The following PROKR1 variants were observed in gnomAD, a reference collection of about 807,000 sequenced individuals.
PROKR1 encodes the protein G protein-coupled receptor 73.
In PROKR1, 21 loss-of-function variants were observed where a neutral mutation model predicts 22.8. The observed-to-expected ratio is 0.92, with a 90% confidence interval of 0.65 to 1.32. The LOEUF (loss-of-function observed/expected upper bound fraction) is 1.32. PROKR1 is among the 40% of genes most tolerant of loss of function. The probability of loss-of-function intolerance (pLI) is 0.00; values close to 1 mark genes in which losing one functional copy is unlikely to be tolerated. For missense variants in PROKR1, 548 were observed against 514.2 expected, an observed-to-expected ratio of 1.07 and a Z score of -0.64; for synonymous variants, 193 against 207.5, an observed-to-expected ratio of 0.93 and a Z score of 0.60.
rs1673480725 is a variant in PROKR1, at chr2:68,656,731, T to A, written c.*1155T>A. The stretch of plus-strand genomic sequence containing the variant: ...TTTGAGGGCAAGATATCCTTATTAC[T>A]GGCACCTGAATCCCATCCTAGTCTT... On this transcript the variant is annotated 3_prime_UTR_variant, in exon 3 of 3. Transcript: ENST00000303786. 6.6e-6 allele frequency: 1 copy of A among 152,250 alleles called. No homozygotes were observed. The highest frequency in any genetic ancestry group is 2.4e-5 in the African/African-American group (1 of 41,478). 9.4% of individuals were successfully genotyped at this position (152,250 alleles called of 1,614,324 possible).
chr2:68,653,725 T>G (rs995537464), intron 2 of PROKR1, among the ~76,000 whole-genome samples: 8 of 152,132 alleles, frequency 5.3e-5, no homozygotes, highest in African/African-American at 1.9e-4. Context: ...GCTGTGTGCG[T>G]TCTCTCTCGG....
At chr2:68,651,634 G>A (rs1035613091) in intron 2 of PROKR1, among the ~76,000 whole-genome samples, 2 of 152,168 alleles carry the variant, frequency 1.3e-5, no homozygotes, top group Non-Finnish European at 2.9e-5. Flanking sequence ...ATTAGTCAGG[G>A]CCACTGGCCT....
chr2:68,656,640 C>G lies in PROKR1; in HGVS notation c.*1064C>G, dbSNP rs142162830. 2.6e-5 allele frequency: 4 copies of G among 152,256 alleles called. No homozygotes were observed. Among genetic ancestry groups the G allele is most frequent in the Admixed American group, 6.5e-5 (1 of 15,302 alleles). 9.4% of individuals were successfully genotyped at this position (152,256 alleles called of 1,614,324 possible). A position where few individuals can be genotyped will look rare whatever the true frequency, so the allele number is the denominator to read the frequency against. On this transcript the variant is annotated 3_prime_UTR_variant, in exon 3 of 3. Transcript: ENST00000303786. Reference sequence around the variant, plus strand: ...TCATTTTTCTGTTTTCACCAGCTCTCAAATGTGAGTGATGAAGAGTTCCCT... The same window carrying G: ...TCATTTTTCTGTTTTCACCAGCTCTGAAATGTGAGTGATGAAGAGTTCCCT...
At chr2:68,645,591 G>C (rs1256071256) in intron 1 of PROKR1, 71 bp from the exon 2 acceptor site, 1 of 608,352 alleles carries the variant, frequency 1.6e-6, no homozygotes, top group Non-Finnish European at 2.9e-6. Context: ...GTCTGCTTAG[G>C]TTACAGGGTG....
intron 2 of PROKR1, among the ~76,000 whole-genome samples, chr2:68,653,721 T>G (rs1293981018): frequency 6.6e-6 from 1 of 152,182 alleles, no homozygotes; most frequent in Non-Finnish European, 1.5e-5. Flanking sequence ...ATAAGCTGTG[T>G]GCGTTCTCTC....
Position 68,655,642 on chromosome 2 carries a change from A to G in PROKR1, c.*66A>G, listed in dbSNP as rs1484226491. 6.8e-7 allele frequency: 1 copy of G among 1,479,096 alleles called. No homozygotes were observed. The highest frequency in any genetic ancestry group is 1.2e-5 in the South Asian group (1 of 86,016). 91.6% of individuals were successfully genotyped at this position (1,479,096 alleles called of 1,614,324 possible). ...TGTGGACACTGACTAGTGTGCTTGG[A>G]TGCACATCAACCTGGAACTTTTTGT... On this transcript the variant is annotated 3_prime_UTR_variant, in exon 3 of 3. Transcript: ENST00000303786.
Position 68,654,974 on chromosome 2 carries a change from G to T in PROKR1, c.580G>T (p.Ala194Ser), listed in dbSNP as rs773486402. The T allele has an allele frequency of 1.4e-5, 22 of 1,613,200 alleles. No homozygotes were observed. In the East Asian group the frequency reaches 4.7e-4, roughly 34 times the overall value. The change falls in exon 3 of 3, where the codon GCC (alanine) becomes TCC (serine). Residue 194 changes from alanine to serine, a missense_variant. Coordinates refer to ENST00000303786, the MANE Select transcript of PROKR1 (RefSeq NM_138964.4). ...GGTGTGGACGGTGTCCATCCTGATC[G>T]CCATCCCTTCCGCCTACTTCACCAC... ...ALVWTVSILI[A>S]IPSAYFTTET...
rs752614814 is a variant in PROKR1, at chr2:68,655,268, G to T, written c.874G>T (p.Ala292Ser). Reference sequence around the variant, plus strand: ...CCTGGTGCTCATGTGCATCCTCACCGCCTACGTGCTATGCTGGGCGCCCTT... The same window carrying T: ...CCTGGTGCTCATGTGCATCCTCACCTCCTACGTGCTATGCTGGGCGCCCTT... ...TVLVLMCILT[A>S]YVLCWAPFYG... Residue 292 changes from alanine (A) to serine (S), a missense_variant, in exon 3 of 3, where the codon GCC becomes TCC. Coordinates refer to ENST00000303786, the MANE Select transcript of PROKR1 (RefSeq NM_138964.4). The T allele has an allele frequency of 6.2e-7, 1 of 1,614,222 alleles. No individual in the cohort carries two copies. Among genetic ancestry groups the T allele is most frequent in the Admixed American group, 1.7e-5 (1 of 60,024 alleles).
chr2:68,645,276 G>C (rs886718730), intron 1 of PROKR1, among the ~76,000 whole-genome samples: 4 of 152,024 alleles, frequency 2.6e-5, no homozygotes, highest in Admixed American at 2.0e-4. Flanking sequence ...TGTGATTTTA[G>C]AGCCATGTTC....
chr2:68,656,056 T>C lies in PROKR1; in HGVS notation c.*480T>C. The C allele has an allele frequency of 4.1e-6, 1 of 241,532 alleles. No individual in the cohort carries two copies. Among genetic ancestry groups the C allele is most frequent in the Non-Finnish European group, 8.2e-6 (1 of 122,464 alleles). The allele number at this position is 241,532 out of a possible 1,614,324, so 15.0% of individuals were successfully genotyped here. A position where few individuals can be genotyped will look rare whatever the true frequency, so the allele number is the denominator to read the frequency against. On this transcript the variant is annotated 3_prime_UTR_variant, in exon 3 of 3. Coordinates refer to ENST00000303786, the MANE Select transcript of PROKR1 (RefSeq NM_138964.4). ...GGACTCTAGGCTCCTTCTGTAGCCC[T>C]TATCCTCTCATCTTTCATGGCGAGG...
chr2:68,645,662 G>A lies in PROKR1; in HGVS notation c.-160G>A. 9.6e-7 allele frequency: 1 copy of A among 1,038,870 alleles called. No individual in the cohort carries two copies. The highest frequency in any genetic ancestry group is 1.4e-6 in the Non-Finnish European group (1 of 706,732). The allele number at this position is 1,038,870 out of a possible 1,614,324, so 64.4% of individuals were successfully genotyped here. On this transcript the variant is annotated splice_region_variant and 5_prime_UTR_variant, in exon 2 of 3. Transcript: ENST00000303786. ...CCAACTGTTTGTATGTCTTTCAAAG[G>A]TTTAGAATGGAGCTCAGATACCATA...
At chr2:68,654,190 C>T (rs1248081638) in intron 2 of PROKR1, among the ~76,000 whole-genome samples, 2 of 152,140 alleles carry the variant, frequency 1.3e-5, no homozygotes, top group Non-Finnish European at 2.9e-5. Context: ...GCCCTTTTAG[C>T]TCTAAACTGA....
chr2:68,653,154 A>G (rs12713655), intron 2 of PROKR1, among the ~76,000 whole-genome samples: 68,890 of 152,060 alleles, frequency 0.45, 17,092 homozygotes, highest in African/African-American at 0.67. Flanking sequence ...CCGCGATCTT[A>G]ATGAAGGGCC....
intron 2 of PROKR1, among the ~76,000 whole-genome samples, chr2:68,650,215 A>T (rs924269984): frequency 2.2e-5 from 3 of 137,712 alleles, no homozygotes; most frequent in African/African-American, 5.0e-5. Flanking sequence ...TTAAAGTATA[A>T]AAAAAAAAGA....
intron 1 of PROKR1, 140 bp from the exon 2 acceptor site, chr2:68,645,522 A>C: frequency 2.1e-6 from 1 of 474,448 alleles, no homozygotes; most frequent in Non-Finnish European, 3.8e-6. Context: ...ATTTTCTCTC[A>C]TTGGTTCCTT....
At chr2:68,649,200 G>A (rs1673255211) in intron 2 of PROKR1, among the ~76,000 whole-genome samples, 1 of 152,132 alleles carries the variant, frequency 6.6e-6, no homozygotes. Context: ...CTACCTGCTT[G>A]TATTTGTCTA....
At chr2:68,654,339 C>T (rs1474383715) in intron 2 of PROKR1, among the ~76,000 whole-genome samples, 1 of 152,160 alleles carries the variant, frequency 6.6e-6, no homozygotes, top group East Asian at 1.9e-4. Flanking sequence ...CTGTGCCAGG[C>T]ATAGTGCATA....
intron 2 of PROKR1, chr2:68,649,541 A>C (rs1003762792): frequency 2.6e-5 from 4 of 152,142 alleles, no homozygotes; most frequent in Non-Finnish European, 5.9e-5. Flanking sequence ...GACAAAAAAA[A>C]CTCCTTGCTT....
chr2:68,645,695 G>T lies in PROKR1; in HGVS notation c.-127G>T, dbSNP rs1416138383. The T allele has an allele frequency of 3.8e-6, 5 of 1,316,590 alleles. No individual in the cohort carries two copies. The highest frequency in any genetic ancestry group is 5.4e-6 in the Non-Finnish European group (5 of 926,192). 81.6% of individuals were successfully genotyped at this position (1,316,590 alleles called of 1,614,324 possible). On this transcript the variant is annotated 5_prime_UTR_variant, in exon 2 of 3. Transcript: ENST00000303786. ...TGGAGCTCAGATACCATACCCCAAA[G>T]ATGCTGGCAGAGACATTCTGACTCA...
Sources: gnomAD v4.1 joint callset for allele counts (sites outside exome capture counted in the v4.1 genomes callset) on GRCh38, gnomAD v4.1.1 for gene constraint, MANE v1.5 for transcripts, NCBI Gene and HGNC (gene_info 2026-07-23, HGNC 2026-07-21) for gene names.